Variants in BLMH observed in about 807,000 individuals in gnomAD.
The protein encoded by BLMH is BLM hydrolase.
In BLMH, 32 loss-of-function variants were observed where a neutral mutation model predicts 61.6. The observed-to-expected ratio is 0.52, with a 90% CI of 0.39 to 0.70. The LOEUF (loss-of-function observed/expected upper bound fraction) is 0.70, where lower values mean the gene tolerates loss of function less well. Ranked by LOEUF, BLMH falls within the 30% of genes least tolerant of loss-of-function variation. The pLI is 0.00. For missense variants in BLMH, 460 were observed against 555.5 expected (o/e 0.83, Z 1.73); for synonymous variants, 183 against 193.8 (o/e 0.94, Z 0.46).
intron 4 of BLMH, 138 bp downstream of exon 4, chr17:30,287,668 G>C: frequency 1.0e-6 from 1 of 957,260 alleles, no homozygotes; most frequent in Non-Finnish European, 1.5e-6. Context: ...GTGAACTAAA[G>C]GTCCTTAGAA....
intron 10 of BLMH, among the ~76,000 whole-genome samples, chr17:30,267,808 T>A (rs531639106): frequency 2.6e-5 from 4 of 152,350 alleles, no homozygotes; most frequent in Admixed American, 2.6e-4. Flanking sequence ...CTTAAATCTT[T>A]GTAGCATGAG....
intron 2 of BLMH, among the ~76,000 whole-genome samples, chr17:30,290,327 C>A (rs571963348): frequency 6.6e-6 from 1 of 152,326 alleles, no homozygotes; most frequent in South Asian, 2.1e-4. Flanking sequence ...TGTTCCCTAA[C>A]GGGTCACTGC....
intron 2 of BLMH, among the ~76,000 whole-genome samples, chr17:30,290,146 C>T (rs977184531): frequency 5.3e-5 from 8 of 152,306 alleles, no homozygotes; most frequent in African/African-American, 1.9e-4. Flanking sequence ...TTCGTCTTTA[C>T]CTTACATTTA....
Position 30,291,446 on chromosome 17 carries a change from G to A in BLMH, c.76C>T (p.Leu26Phe). ...QKLNSDPQFV[L>F]AQNVGTTHDL... ...TGGGTGGTCCCGACATTCTGGGCAA[G>A]TACGAACTGGGGGTCGGAATTCAGT... Residue 26 changes from leucine to phenylalanine, a missense_variant, in exon 2 of 12, where the codon CTT (leucine) becomes TTT (phenylalanine). Transcript: ENST00000261714. 2 of 1,614,240 alleles carry A rather than the reference G, an allele frequency of 1.2e-6. No homozygotes were observed.
At chr17:30,282,201 T>C (rs1908609193) in intron 6 of BLMH, among the ~76,000 whole-genome samples, 1 of 151,890 alleles carries the variant, frequency 6.6e-6, no homozygotes, top group Admixed American at 6.6e-5. Context: ...GGCTATGTTT[T>C]GCTTTTTAAC....
intron 11 of BLMH, among the ~76,000 whole-genome samples, chr17:30,265,442 C>G (rs1908075789): frequency 6.6e-6 from 1 of 152,166 alleles, no homozygotes; most frequent in South Asian, 2.1e-4. Flanking sequence ...ACCTTTTACC[C>G]TTGGAAATCC....
chr17:30,266,012 T>C (rs866536792), intron 11 of BLMH, among the ~76,000 whole-genome samples: 1 of 152,214 alleles, frequency 6.6e-6, no homozygotes, highest in South Asian at 2.1e-4. Context: ...CATATATTAC[T>C]GTGTTATTTT....
chr17:30,272,604 C>G lies in BLMH; in HGVS notation c.985G>C (p.Gly329Arg). 5.0e-6 allele frequency: 8 copies of G among 1,614,120 alleles called. No homozygotes were observed. The highest frequency in any genetic ancestry group is 6.8e-6 in the Non-Finnish European group (8 of 1,180,020). The change falls in exon 9 of 12, where the codon GGA (glycine) becomes CGA (arginine). Residue 329 changes from glycine (G) to arginine (R), a missense_variant. By Grantham distance (125) the Gly-to-Arg change is moderately radical. Around this residue, in one of 5 missense-constraint regions of BLMH, gnomAD observed 310 missense variants for 371.1 expected, o/e 0.84. Transcript: ENST00000261714. ...CCCAGCTTGCTATTGAAGTGTTTTCCAACATCACAGCCAAACCACACAGCC... is the reference window on the plus strand; with the variant it reads ...CCCAGCTTGCTATTGAAGTGTTTTCGAACATCACAGCCAAACCACACAGCC... The part of the protein sequence containing the change: ...GEAVWFGCDV[G>R]KHFNSKLGLS...
chr17:30,289,529 T>A (rs773117421), intron 2 of BLMH, 47 bp from the exon 3 acceptor site: 13 of 1,315,770 alleles, frequency 9.9e-6, no homozygotes, highest in Non-Finnish European at 1.3e-5. Context: ...TCACATAGAC[T>A]GCACTGCTCC....
In BLMH at chr17:30,248,821, CT is replaced by C; in HGVS notation, c.*195del. ...AGATAGTATGACCTGATCTTCCCCC[CT>C]CTTTTTTTTCCTTTAACAGTATTCT... is the stretch of plus-strand genomic sequence containing the variant. On this transcript the variant is annotated 3_prime_UTR_variant, in exon 12 of 12. Coordinates refer to ENST00000261714, the MANE Select transcript of BLMH (RefSeq NM_000386.4). The C allele has an allele frequency of 1.7e-6, 1 of 605,700 alleles. No individual in the cohort carries two copies. The highest frequency in any genetic ancestry group is 2.8e-6 in the Non-Finnish European group (1 of 353,768). The allele number at this position is 605,700 out of a possible 1,614,324, so 37.5% of individuals were successfully genotyped here. A position where few individuals can be genotyped will look rare whatever the true frequency, so the allele number is the denominator to read the frequency against.
At chr17:30,256,489 C>T (rs1907819371) in intron 11 of BLMH, among the ~76,000 whole-genome samples, 1 of 152,024 alleles carries the variant, frequency 6.6e-6, no homozygotes, top group African/African-American at 2.4e-5. Context: ...CCACCATGCC[C>T]AGCTAATTTT....
At chr17:30,267,764 T>C (rs866098079) in intron 10 of BLMH, among the ~76,000 whole-genome samples, 59 of 152,254 alleles carry the variant, frequency 3.9e-4, no homozygotes, top group African/African-American at 1.3e-3. Context: ...TTTTCTTTCA[T>C]GTTTACCCAG....
intron 9 of BLMH, chr17:30,272,346 T>G (rs757562991): frequency 7.1e-5 from 42 of 592,452 alleles, no homozygotes; most frequent in Non-Finnish European, 1.1e-4. Context: ...TCCACTCAGA[T>G]AGAAAGTGGG....
intron 6 of BLMH, among the ~76,000 whole-genome samples, chr17:30,277,170 G>A (rs541040973): frequency 3.3e-5 from 5 of 152,244 alleles, no homozygotes; most frequent in Middle Eastern, 3.4e-3. Flanking sequence ...TGTGTGTTAC[G>A]AGCCTGAACA....
intron 6 of BLMH, among the ~76,000 whole-genome samples, chr17:30,279,274 G>A: frequency 6.6e-6 from 1 of 152,090 alleles, no homozygotes; most frequent in South Asian, 2.1e-4. Context: ...GAGTATAAAG[G>A]GCAGCCTGCC....
chr17:30,274,224 G>A (rs1391730126), intron 6 of BLMH, 27 bp from the exon 7 acceptor site: 5 of 1,608,392 alleles, frequency 3.1e-6, no homozygotes, highest in Non-Finnish European at 4.2e-6. Flanking sequence ...GGAAAGGCGA[G>A]CAATGGTTAG....
chr17:30,289,249 G>T, intron 3 of BLMH, 124 bp downstream of exon 3: 1 of 498,146 alleles, frequency 2.0e-6, no homozygotes, highest in Non-Finnish European at 3.4e-6. Flanking sequence ...CTGGAAGTCA[G>T]AATAAAAGGT....
chr17:30,262,158 C>T (rs1907975790), intron 11 of BLMH, among the ~76,000 whole-genome samples: 1 of 152,176 alleles, frequency 6.6e-6, no homozygotes. Context: ...CATATCTTCA[C>T]TTAAAAGTTG....
At chr17:30,288,497 T>G (rs1217464636) in intron 3 of BLMH, among the ~76,000 whole-genome samples, 1 of 151,874 alleles carries the variant, frequency 6.6e-6, no homozygotes, top group Non-Finnish European at 1.5e-5. Context: ...GGAGGACAGG[T>G]GTGCACCACG....
Sources: allele counts gnomAD v4.1 joint callset (sites outside exome capture counted in the v4.1 genomes callset), GRCh38; gene constraint gnomAD v4.1.1; regional missense constraint gnomAD v4.1.1; transcripts MANE v1.5; gene names NCBI Gene and HGNC (gene_info 2026-07-23, HGNC 2026-07-21).